ZNF140: variants seen among roughly 807,000 people sequenced by gnomAD.
ZNF140 encodes zinc finger protein 140.
Under a neutral mutation model 12.9 loss-of-function variants are expected in ZNF140, and 13 were observed. That is an observed-to-expected ratio of 1.01 (90% CI 0.66 to 1.60). The LOEUF (loss-of-function observed/expected upper bound fraction) is 1.60, where lower values mean the gene tolerates loss of function less well. Among genes scored for constraint, ZNF140 ranks in the 40% most tolerant of loss-of-function variants. The probability of loss-of-function intolerance (pLI) is 0.00; values close to 1 mark genes in which losing one functional copy is unlikely to be tolerated. For missense variants in ZNF140, 531 were observed against 548.8 expected (o/e 0.97, Z 0.32); for synonymous variants, 214 against 186.7 (o/e 1.15, Z -1.19).
upstream of ZNF140, chr12:133,080,431 T>C (rs1244906300): frequency 1.3e-5 from 2 of 152,316 alleles, no homozygotes; most frequent in African/African-American, 2.4e-5. Context: ...AGCCATATGC[T>C]CTCTCGCGCG....
intron 2 of ZNF140, chr12:133,082,647 A>G (rs1332107165): frequency 6.4e-6 from 1 of 155,358 alleles, no homozygotes; most frequent in Non-Finnish European, 1.4e-5. Context: ...GATAACTGTG[A>G]CAAACTTGAG....
chr12:133,093,987 T>C (rs1184763641), intron 4 of ZNF140, among the ~76,000 whole-genome samples: 2 of 151,228 alleles, frequency 1.3e-5, no homozygotes, highest in African/African-American at 2.5e-5. Flanking sequence ...TAGTCTCTTT[T>C]TCTTTCTCTT....
intron 1 of ZNF140, 29 bp from the exon 2 acceptor site, chr12:133,081,244 C>A (rs1165202760): frequency 2.2e-6 from 3 of 1,346,412 alleles, no homozygotes; most frequent in Non-Finnish European, 2.1e-6. Context: ...CTGGCCTGTT[C>A]GCTCAGGGCT....
At chr12:133,096,955 A>C (rs1437400723) in intron 4 of ZNF140, among the ~76,000 whole-genome samples, 1 of 152,216 alleles carries the variant, frequency 6.6e-6, no homozygotes, top group African/African-American at 2.4e-5. Flanking sequence ...GGGGTGTTGA[A>C]GTCCCCAAGT....
chr12:133,100,476 C>T (rs1309475782), intron 4 of ZNF140, among the ~76,000 whole-genome samples: 10 of 152,088 alleles, frequency 6.6e-5, no homozygotes, highest in Admixed American at 3.9e-4. Context: ...TTGCCTGGCC[C>T]TTTTACACCT....
intron 2 of ZNF140, chr12:133,081,669 C>G (rs1403935860): frequency 2.3e-6 from 1 of 430,540 alleles, no homozygotes; most frequent in African/African-American, 2.1e-5. Context: ...CAGATGTGGG[C>G]GGGGTTTCTG....
chr12:133,093,293 C>G (rs1954954217), intron 4 of ZNF140: 1 of 598,960 alleles, frequency 1.7e-6, no homozygotes, highest in South Asian at 2.0e-5. Flanking sequence ...CACATAGGCC[C>G]AGTAAGTATA....
Position 133,081,347 on chromosome 12 carries a change from A to T in ZNF140, c.9+18A>T. 4 of 473,674 alleles carry T rather than the reference A, an allele frequency of 8.4e-6. No individual in the cohort carries two copies. The highest frequency in any genetic ancestry group is 3.1e-5 in the African/African-American group (1 of 32,000). The allele number at this position is 473,674 out of a possible 1,614,324, so 29.3% of individuals were successfully genotyped here. On this transcript the variant is annotated intron_variant, in intron 2 of 4. Transcript: ENST00000355557. Reference sequence around the variant, plus strand: ...TGTCTCAGGTAAGCTAATGATTGATAAATATATATATATATATATATATAA... The same window carrying T: ...TGTCTCAGGTAAGCTAATGATTGATTAATATATATATATATATATATATAA...
chr12:133,090,649 A>C (rs1472296985), intron 4 of ZNF140, among the ~76,000 whole-genome samples: 1 of 114,238 alleles, frequency 8.8e-6, no homozygotes, highest in Non-Finnish European at 2.0e-5. Flanking sequence ...CAGTGGGCCC[A>C]GGGGACCAGC....
rs745390926 is a variant in ZNF140, at chr12:133,106,225, T to A, written c.948T>A (p.Leu316=). The A allele has an allele frequency of 6.2e-7, 1 of 1,614,196 alleles. No individual in the cohort carries two copies. Among genetic ancestry groups the A allele is most frequent in the Non-Finnish European group, 8.5e-7 (1 of 1,180,034 alleles). ...AGGCATTTCGCCGTTTCTCACACCT[T>A]ACTCGACATCAGAGCATCCATACAA... ...CGKAFRRFSH[L]TRHQSIHTTK... The change falls in exon 5 of 5, where the codon CTT becomes CTA. Residue 316 remains leucine, a synonymous_variant. Coordinates refer to ENST00000355557, the MANE Select transcript of ZNF140 (RefSeq NM_003440.4).
chr12:133,100,698 T>G (rs1487310648), intron 4 of ZNF140, among the ~76,000 whole-genome samples: 1 of 152,224 alleles, frequency 6.6e-6, no homozygotes, highest in Non-Finnish European at 1.5e-5. Flanking sequence ...AGCTTCTTTT[T>G]GGCATATCTG....
chr12:133,106,717 T>C lies in ZNF140; in HGVS notation c.*66T>C, dbSNP rs1955614328. On this transcript the variant is annotated 3_prime_UTR_variant, in exon 5 of 5. Coordinates refer to ENST00000355557, the MANE Select transcript of ZNF140 (RefSeq NM_003440.4). ...TTAAAAAGAAGTATAATGCCTTACT[T>C]CAGAGAACTCTTGGAAAGAAGCCTT... 2.2e-6 allele frequency: 3 copies of C among 1,382,294 alleles called. No homozygotes were observed. The highest frequency in any genetic ancestry group is 2.9e-6 in the Non-Finnish European group (3 of 1,030,542). 85.6% of individuals were successfully genotyped at this position (1,382,294 alleles called of 1,614,324 possible).
chr12:133,081,979 T>G (rs1954520209), intron 2 of ZNF140: 3 of 154,810 alleles, frequency 1.9e-5, no homozygotes, highest in Non-Finnish European at 4.3e-5. Context: ...TCCAAGTGAT[T>G]CTAATGTGCA....
In ZNF140 at chr12:133,106,127, A is replaced by G; in HGVS notation, c.850A>G (p.Ser284Gly). Residue 284 changes from serine to glycine, a missense_variant, in exon 5 of 5, where the codon AGT (serine) becomes GGT (glycine). Coordinates refer to ENST00000355557, the MANE Select transcript of ZNF140 (RefSeq NM_003440.4). The stretch of plus-strand genomic sequence containing the variant: ...TAGGAAATGTGGTAAAGCATTTAGC[A>G]GTGGCTCAGAACTCATTCGCCACCA... ...ICRKCGKAFS[S>G]GSELIRHQIT... 2 of 1,614,190 alleles carry G rather than the reference A, an allele frequency of 1.2e-6. No individual in the cohort carries two copies. The highest frequency in any genetic ancestry group is 1.7e-6 in the Non-Finnish European group (2 of 1,180,032).
intron 4 of ZNF140, among the ~76,000 whole-genome samples, chr12:133,092,384 C>T (rs1954925271): frequency 6.6e-6 from 1 of 151,176 alleles, no homozygotes; most frequent in Non-Finnish European, 1.5e-5. Flanking sequence ...ACAATTTTCA[C>T]AGGTTATAGT....
At chr12:133,105,194 C>T (rs1955545405) in intron 4 of ZNF140, among the ~76,000 whole-genome samples, 1 of 152,168 alleles carries the variant, frequency 6.6e-6, no homozygotes, top group African/African-American at 2.4e-5. Flanking sequence ...TTAGATAATT[C>T]TGGCAGTAAA....
intron 4 of ZNF140, chr12:133,093,382 C>T (rs1276880017): frequency 4.3e-6 from 3 of 694,928 alleles, no homozygotes; most frequent in East Asian, 5.4e-5. Context: ...GCAGCATATT[C>T]TCTGGAGTTT....
At chr12:133,093,175 G>A (rs1258807225) in intron 4 of ZNF140, among the ~76,000 whole-genome samples, 1 of 151,020 alleles carries the variant, frequency 6.6e-6, no homozygotes, top group East Asian at 1.9e-4. Context: ...CTTCAGGTTG[G>A]GCAGGGCCAC....
At chr12:133,085,197 G>A (rs1167477034) in intron 4 of ZNF140, among the ~76,000 whole-genome samples, 13 of 152,082 alleles carry the variant, frequency 8.5e-5, no homozygotes, top group African/African-American at 3.1e-4. Flanking sequence ...GCTAAGTTTT[G>A]TATTTTTAGT....
Sources: gnomAD v4.1 joint callset for allele counts (sites outside exome capture counted in the v4.1 genomes callset) on GRCh38, gnomAD v4.1.1 for gene constraint, MANE v1.5 for transcripts, NCBI Gene and HGNC (gene_info 2026-07-23, HGNC 2026-07-21) for gene names.